The following CHCHD6 variants were observed in gnomAD, a reference collection of about 807,000 sequenced individuals.
CHCHD6 encodes coiled-coil-helix-coiled-coil-helix domain containing 6.
Under a neutral mutation model 32.3 loss-of-function variants are expected in CHCHD6, and 28 were observed. That is an observed-to-expected ratio of 0.87 (90% CI 0.64 to 1.19). The LOEUF (loss-of-function observed/expected upper bound fraction) is 1.19, where lower values mean the gene tolerates loss of function less well. Among genes scored for constraint, CHCHD6 ranks in the 50% most tolerant of loss-of-function variants. The pLI, the probability that CHCHD6 is intolerant of heterozygous loss-of-function variation, is 0.00. For missense variants in CHCHD6, 333 were observed against 307.0 expected (o/e 1.08, Z -0.63); for synonymous variants, 122 against 117.5 (o/e 1.04, Z -0.25).
intron 5 of CHCHD6, among the ~76,000 whole-genome samples, chr3:126,906,512 AT>A (rs1167174799): frequency 6.6e-6 from 1 of 152,194 alleles, no homozygotes; most frequent in Non-Finnish European, 1.5e-5. Flanking sequence ...GACAGCGCTC[AT>A]CTTGCTGCTT....
chr3:126,922,700 C>T (rs1380340959), intron 6 of CHCHD6, among the ~76,000 whole-genome samples: 1 of 151,700 alleles, frequency 6.6e-6, no homozygotes, highest in Non-Finnish European at 1.5e-5. Flanking sequence ...CAGGCATTGA[C>T]TCCCGTGTGT....
At chr3:126,822,237 T>C (rs1940182740) in intron 4 of CHCHD6, among the ~76,000 whole-genome samples, 1 of 149,192 alleles carries the variant, frequency 6.7e-6, no homozygotes, top group Non-Finnish European at 1.5e-5. Flanking sequence ...TTAGTTTTTG[T>C]ATATGGTGTG....
In CHCHD6 at chr3:126,791,998, C is replaced by T. The variant is rs375283715; in HGVS notation, c.411+58776C>T. Among the ~76,000 whole-genome samples the T allele has an allele frequency of 5.3e-4, 80 of 152,166 alleles. No homozygotes were observed. In the East Asian group the frequency reaches 9.9e-3, roughly 19 times the overall value. On this transcript the variant is annotated intron_variant, in intron 4 of 7. Coordinates refer to ENST00000290913, the MANE Select transcript of CHCHD6 (RefSeq NM_032343.3). The stretch of plus-strand genomic sequence containing the variant: ...ATTTGTCCATCTTTGGCTTATTTCA[C>T]GAAGTATAACGTTTTCGGGGTTCGT...
intron 4 of CHCHD6, among the ~76,000 whole-genome samples, chr3:126,837,581 C>T (rs767540587): frequency 6.6e-6 from 1 of 152,140 alleles, no homozygotes; most frequent in Non-Finnish European, 1.5e-5. Flanking sequence ...TACATATATA[C>T]ATAGTGTTTA....
intron 4 of CHCHD6, among the ~76,000 whole-genome samples, chr3:126,734,155 G>A (rs1055525097): frequency 3.9e-5 from 6 of 152,226 alleles, no homozygotes; most frequent in African/African-American, 1.2e-4. Flanking sequence ...TGTACCAGGT[G>A]CCCATGGCTA....
chr3:126,877,596 G>A (rs2077556092), intron 5 of CHCHD6, among the ~76,000 whole-genome samples: 1 of 151,756 alleles, frequency 6.6e-6, no homozygotes, highest in Non-Finnish European at 1.5e-5. Context: ...ATGGAAAAAT[G>A]AATACAAACA....
At chr3:126,864,564 TCTCCACCACCTCCTTCTCCAC>T (rs1475350183) in intron 5 of CHCHD6, among the ~76,000 whole-genome samples, 7 of 68,050 alleles carry the variant, frequency 1.0e-4, no homozygotes, top group East Asian at 6.1e-4. Flanking sequence ...TCCTCCTCCT[TCTCCACCACCTCCTTCTCCAC>T]CTCCACCACC....
At chr3:126,732,078 C>CAAAAAAAAA in intron 3 of CHCHD6, among the ~76,000 whole-genome samples, 1 of 75,860 alleles carries the variant, frequency 1.3e-5, no homozygotes, top group Non-Finnish European at 2.7e-5. Flanking sequence ...GACCCAAAAC[C>CAAAAAAAAA]AAAAAAAAAA....
intron 5 of CHCHD6, among the ~76,000 whole-genome samples, chr3:126,863,738 T>TCACCACCTCCTCTTCCAC (rs1942080243): frequency 9.6e-6 from 1 of 104,086 alleles, no homozygotes; most frequent in Non-Finnish European, 2.0e-5. Flanking sequence ...TCCTCCTCCA[T>TCACCACCTCCTCTTCCAC]CACCACCTCC....
intron 4 of CHCHD6, among the ~76,000 whole-genome samples, chr3:126,786,931 TTTC>T (rs1938243362): frequency 1.3e-5 from 2 of 152,234 alleles, no homozygotes; most frequent in African/African-American, 4.8e-5. Context: ...TTGCCTATGT[TTTC>T]TTCTAGGGTT....
rs370379946 is a variant in CHCHD6 at position 126,753,148 on chromosome 3, G to A, written c.411+19926G>A. Among the ~76,000 whole-genome samples, 6 of 152,200 alleles carry A rather than the reference G, an allele frequency of 3.9e-5. No individual in the cohort carries two copies. The East Asian group carries it at 5.8e-4, about 15-fold the overall frequency. ...CAAGCAGATTCTGACTTTCTTGGGG[G>A]CGGATGGACTGTCACACGATTTTGG... On this transcript the variant is annotated intron_variant, in intron 4 of 7. Transcript: ENST00000290913.
intron 6 of CHCHD6, among the ~76,000 whole-genome samples, chr3:126,935,715 T>C (rs139901484): frequency 6.6e-6 from 1 of 152,340 alleles, no homozygotes; most frequent in African/African-American, 2.4e-5. Flanking sequence ...GATGTACAAT[T>C]TCCACGCAGT....
chr3:126,897,838 A>G (rs1196269666), intron 5 of CHCHD6, among the ~76,000 whole-genome samples: 2 of 151,986 alleles, frequency 1.3e-5, no homozygotes, highest in Non-Finnish European at 2.9e-5. Context: ...GCTGCCTGGC[A>G]CTTTATGGGC....
At chr3:126,883,198 CT>C (rs1324767777) in intron 5 of CHCHD6, among the ~76,000 whole-genome samples, 14 of 152,166 alleles carry the variant, frequency 9.2e-5, no homozygotes, top group African/African-American at 2.4e-5. Flanking sequence ...CTACAGGCCT[CT>C]TCGATTTGTG....
chr3:126,903,588 G>A (rs1474176640), intron 5 of CHCHD6, among the ~76,000 whole-genome samples: 6 of 152,190 alleles, frequency 3.9e-5, no homozygotes, highest in Non-Finnish European at 5.9e-5. Context: ...TCTTTAGATA[G>A]TCATTTAGTC....
chr3:126,750,412 G>A lies in CHCHD6; in HGVS notation c.411+17190G>A, dbSNP rs749169957. 7.0e-4 allele frequency among the ~76,000 whole-genome samples: 106 copies of A among 152,264 alleles called. 1 individual carries two copies. The highest frequency in any genetic ancestry group is 6.9e-3 in the Admixed American group (105 of 15,290). On this transcript the variant is annotated intron_variant, in intron 4 of 7. Coordinates refer to ENST00000290913, the MANE Select transcript of CHCHD6 (RefSeq NM_032343.3). Reference sequence around the variant, plus strand: ...AAAGCAGACAGCTCTTCCCCTGGCTGGCTGTCCAAAGTATGGCCCTGGCCA... The same window carrying A: ...AAAGCAGACAGCTCTTCCCCTGGCTAGCTGTCCAAAGTATGGCCCTGGCCA...
chr3:126,941,516 A>G (rs2078558860), intron 6 of CHCHD6, among the ~76,000 whole-genome samples: 1 of 151,990 alleles, frequency 6.6e-6, no homozygotes, highest in Non-Finnish European at 1.5e-5. Context: ...AACTTTCCCA[A>G]CCCCACTCCC....
chr3:126,802,079 A>C (rs1364134966), intron 4 of CHCHD6, among the ~76,000 whole-genome samples: 1 of 152,210 alleles, frequency 6.6e-6, no homozygotes, highest in Non-Finnish European at 1.5e-5. Flanking sequence ...ACCATCATCA[A>C]AGACCAAAAG....
At chr3:126,720,740 A>G (rs769783454) in intron 1 of CHCHD6, among the ~76,000 whole-genome samples, 3 of 152,046 alleles carry the variant, frequency 2.0e-5, no homozygotes, top group African/African-American at 4.8e-5. Flanking sequence ...GTCCCCACCT[A>G]TGGAGAAAGA....
Sources: allele counts gnomAD v4.1 joint callset (sites outside exome capture counted in the v4.1 genomes callset), GRCh38; gene constraint gnomAD v4.1.1; transcripts MANE v1.5; gene names NCBI Gene and HGNC (gene_info 2026-07-23, HGNC 2026-07-21).